RASGEF1B: variants seen among roughly 807,000 people sequenced by gnomAD.
RASGEF1B encodes RasGEF domain family member 1B.
In RASGEF1B, 30 loss-of-function variants were observed where a neutral mutation model predicts 65.7. The observed-to-expected ratio is 0.46, with a 90% CI of 0.34 to 0.62. The LOEUF (loss-of-function observed/expected upper bound fraction) is 0.62. Ranked by LOEUF, RASGEF1B falls within the 20% of genes least tolerant of loss-of-function variation. The probability of loss-of-function intolerance (pLI) is 0.01; values close to 1 mark genes in which losing one functional copy is unlikely to be tolerated. For synonymous variants in RASGEF1B, 175 were observed against 194.8 expected (o/e 0.90, Z 0.85); for missense variants, 495 against 580.1 (o/e 0.85, Z 1.51).
chr4:81,447,593 CAGA>C lies in RASGEF1B; in HGVS notation c.655-18_655-16del. On this transcript the variant is annotated splice_polypyrimidine_tract_variant and intron_variant, in intron 5 of 13. Coordinates refer to ENST00000264400, the MANE Select transcript of RASGEF1B (RefSeq NM_152545.3). ...TTGAGCCTCTCCTGAAACACAAACC[CAGA>C]AGGTCAACAGTATTAAAGAAAATGA... 4 of 1,607,144 alleles carry C rather than the reference CAGA, an allele frequency of 2.5e-6. No individual in the cohort carries two copies. The highest frequency in any genetic ancestry group is 3.4e-6 in the Non-Finnish European group (4 of 1,173,728).
chr4:81,470,532 AC>A (rs1204355814), intron 1 of RASGEF1B, among the ~76,000 whole-genome samples: 1 of 151,660 alleles, frequency 6.6e-6, no homozygotes, highest in East Asian at 1.9e-4. Context: ...CAGTTCAGAG[AC>A]CCTCCCTTCG....
chr4:81,445,394 G>A, intron 8 of RASGEF1B, 132 bp downstream of exon 8: 1 of 677,520 alleles, frequency 1.5e-6, no homozygotes, highest in Non-Finnish European at 2.6e-6. Context: ...AAGCATTTTG[G>A]GCATTCTCAA....
rs372783789 is a variant in RASGEF1B at position 81,456,709 on chromosome 4, T to C, written c.380A>G (p.Asp127Gly). The change falls in exon 4 of 14, where the codon GAT becomes GGT. Residue 127 changes from aspartate (D) to glycine (G), a missense_variant. Transcript: ENST00000264400. ...TTTTAAGTTTCTCATCATTCTTTCATCCCGAAAATCATAGGGAAATGTTTC... is the reference window on the plus strand; with the variant it reads ...TTTTAAGTTTCTCATCATTCTTTCACCCCGAAAATCATAGGGAAATGTTTC... ...WTETFPYDFR[D>G]ERMMRNLKDL... is the part of the protein sequence containing the mutation. 1.9e-6 allele frequency: 3 copies of C among 1,614,150 alleles called. No individual in the cohort carries two copies. The highest frequency in any genetic ancestry group is 2.5e-6 in the Non-Finnish European group (3 of 1,179,994).
intron 1 of RASGEF1B, among the ~76,000 whole-genome samples, chr4:81,461,245 ACTCATAGTGCC>A (rs139294710): frequency 0.037 from 5,598 of 152,158 alleles, 153 homozygotes; most frequent in Middle Eastern, 0.068. Flanking sequence ...GCCCTGAGAA[ACTCATAGTGCC>A]CTCAAACGAG....
At chr4:81,455,451 A>G (rs1263373565) in intron 4 of RASGEF1B, 1 of 152,258 alleles carries the variant, frequency 6.6e-6, no homozygotes, top group Non-Finnish European at 1.5e-5. Flanking sequence ...AAAAAAGGAT[A>G]GGGTATCAAG....
chr4:81,464,842 C>T (rs535930348), intron 1 of RASGEF1B, among the ~76,000 whole-genome samples: 229 of 151,980 alleles, frequency 1.5e-3, no homozygotes, highest in African/African-American at 5.2e-3. Flanking sequence ...CCCAGCACTT[C>T]GGGAGGCTGA....
chr4:81,464,769 C>T (rs1202928934), intron 1 of RASGEF1B, among the ~76,000 whole-genome samples: 1 of 152,124 alleles, frequency 6.6e-6, no homozygotes, highest in East Asian at 1.9e-4. Context: ...CTAACACTTT[C>T]AAGACTGGCT....
chr4:81,436,033 C>T (rs1721621475), intron 10 of RASGEF1B, among the ~76,000 whole-genome samples: 1 of 151,800 alleles, frequency 6.6e-6, no homozygotes, highest in East Asian at 1.9e-4. Context: ...CCTCTTATCT[C>T]AGCCTCCCAA....
chr4:81,433,989 T>C (rs375922857), intron 11 of RASGEF1B, 26 bp from the exon 12 acceptor site: 61 of 1,591,312 alleles, frequency 3.8e-5, no homozygotes, highest in Non-Finnish European at 5.1e-5. Context: ...AAAAAGAATA[T>C]AAAGGTGATC....
rs546361938 is a variant in RASGEF1B at position 81,447,531 on chromosome 4, C to A, written c.702G>T (p.Val234=). ...TGTCATTATCCAAAGGGTCCTTCTG[C>A]ACGAACGCCTGAACAAATTCTTCTG... ...IGPEEFVQAF[V]QKDPLDNDKS... Residue 234 remains valine, a synonymous_variant, in exon 6 of 14, where the codon GTG becomes GTT. Transcript: ENST00000264400. 1 of 1,613,994 alleles carries A rather than the reference C, an allele frequency of 6.2e-7. No individual in the cohort carries two copies. The highest frequency in any genetic ancestry group is 8.5e-7 in the Non-Finnish European group (1 of 1,179,938).
At chr4:81,450,645 T>G (rs1189037658) in intron 4 of RASGEF1B, among the ~76,000 whole-genome samples, 2 of 152,122 alleles carry the variant, frequency 1.3e-5, no homozygotes, top group East Asian at 3.9e-4. Flanking sequence ...CCTCAAGTGA[T>G]CTGCCCACCT....
At chr4:81,440,528 C>T (rs1305389069) in intron 10 of RASGEF1B, among the ~76,000 whole-genome samples, 1 of 152,170 alleles carries the variant, frequency 6.6e-6, no homozygotes, top group Non-Finnish European at 1.5e-5. Context: ...AACCATTAAA[C>T]TAAATTACTC....
chr4:81,463,317 TA>T (rs1482415107), intron 1 of RASGEF1B, among the ~76,000 whole-genome samples: 1 of 152,014 alleles, frequency 6.6e-6, no homozygotes, highest in Non-Finnish European at 1.5e-5. Flanking sequence ...ATATGGACTT[TA>T]AAAAAAATTA....
chr4:81,455,045 C>T (rs976087769), intron 4 of RASGEF1B: 1 of 152,314 alleles, frequency 6.6e-6, no homozygotes, highest in African/African-American at 2.4e-5. Flanking sequence ...AAATCCTGTG[C>T]ATGAGCTGAC....
chr4:81,464,834 C>G (rs1722752984), intron 1 of RASGEF1B, among the ~76,000 whole-genome samples: 1 of 152,106 alleles, frequency 6.6e-6, no homozygotes, highest in Non-Finnish European at 1.5e-5. Context: ...CCTGTAATCC[C>G]AGCACTTCGG....
chr4:81,466,813 A>AGAAG lies in RASGEF1B; in HGVS notation c.-7+4956_-7+4957insCTTC, dbSNP rs1265801999. Among the ~76,000 whole-genome samples, 8 of 150,320 alleles carry AGAAG rather than the reference A, an allele frequency of 5.3e-5. No homozygotes were observed. The East Asian group carries it at 1.6e-3, about 29-fold the overall frequency. On this transcript the variant is annotated intron_variant, in intron 1 of 13. Transcript: ENST00000264400. ...AAGAAAGAAAGAAAGAAAGAAAGAA[A>AGAAG]GAAAGAAAGAAAATTTCCAGATTAT...
At chr4:81,456,247 A>G in intron 4 of RASGEF1B, 1 of 499,660 alleles carries the variant, frequency 2.0e-6, no homozygotes, top group Admixed American at 3.8e-5. Flanking sequence ...TCTACTATTT[A>G]TCCTCGGTTA....
chr4:81,448,022 C>G, intron 5 of RASGEF1B, 47 bp downstream of exon 5: 1 of 1,539,398 alleles, frequency 6.5e-7, no homozygotes, highest in Non-Finnish European at 9.0e-7. Flanking sequence ...GTTGCCAAAG[C>G]AAAGCAAATC....
chr4:81,435,630 G>A (rs563834603), intron 10 of RASGEF1B, among the ~76,000 whole-genome samples: 9 of 148,690 alleles, frequency 6.1e-5, no homozygotes, highest in East Asian at 4.1e-4. Context: ...CATCATGCCC[G>A]GCTAATTTTT....
Sources: gnomAD v4.1 joint callset for allele counts (sites outside exome capture counted in the v4.1 genomes callset) on GRCh38, gnomAD v4.1.1 for gene constraint, MANE v1.5 for transcripts, NCBI Gene and HGNC (gene_info 2026-07-23, HGNC 2026-07-21) for gene names.